The following ATP1A1 variants were observed in gnomAD, a reference collection of about 807,000 sequenced individuals.
ATP1A1 encodes the protein ATPase Na+/K+ transporting subunit alpha 1, also known as sodium/potassium-transporting ATPase subunit alpha-1.
ATP1A1 carries 14 observed loss-of-function variants against 114.8 expected under a neutral mutation model. The observed-to-expected ratio is 0.12, with a 90% CI of 0.08 to 0.19. The LOEUF (loss-of-function observed/expected upper bound fraction) is 0.19. Among genes scored for constraint, ATP1A1 ranks in the 10% least tolerant of loss-of-function variants. The pLI is 1.00. For synonymous variants in ATP1A1, 471 were observed against 466.3 expected, an observed-to-expected ratio of 1.01 and a Z score of -0.13; for missense variants, 524 against 1,290.7, an observed-to-expected ratio of 0.41 and a Z score of 9.10.
chr1:116,395,908 C>T lies in ATP1A1; in HGVS notation c.1836+623C>T, dbSNP rs111858850. The stretch of plus-strand genomic sequence containing the variant: ...CTGGAATTACAGGCACCCGCTACCA[C>T]GCCCAGCTAATTTTTGTATTTTTAA... On this transcript the variant is annotated intron_variant, in intron 13 of 22. Transcript: ENST00000295598. This position sits in a 1 kb window ranked among gnomAD's most constrained non-coding sequence, Gnocchi z 6.4. Among the ~76,000 whole-genome samples, 1 of 152,106 alleles carries T rather than the reference C, an allele frequency of 6.6e-6. No individual in the cohort carries two copies. The highest frequency in any genetic ancestry group is 2.4e-5 in the African/African-American group (1 of 41,412).
At position 116,392,930 on chromosome 1, in the gene ATP1A1, T is replaced by A. The variant is rs1347690405; in HGVS notation, c.1409T>A (p.Met470Lys). ...IELCCGSVKE[M>K]RERYAKIVEI... Reference sequence around the variant, plus strand: ...CTGTGCTGTGGTTCCGTGAAGGAGATGAGAGAAAGATACGCCAAAATCGTC... The same window carrying A: ...CTGTGCTGTGGTTCCGTGAAGGAGAAGAGAGAAAGATACGCCAAAATCGTC... The change falls in exon 11 of 23, where the codon ATG becomes AAG. Residue 470 changes from methionine to lysine, a missense_variant. Coordinates refer to ENST00000295598, the MANE Select transcript of ATP1A1 (RefSeq NM_000701.8). 1.2e-6 allele frequency: 2 copies of A among 1,613,988 alleles called. No homozygotes were observed. Among genetic ancestry groups the A allele is most frequent in the South Asian group, 1.1e-5 (1 of 91,078 alleles).
rs1237193916 is a variant in ATP1A1 at position 116,388,341 on chromosome 1, A to G, written c.501+97A>G. ...GAAGTTAAGGTTTTCCAAGTATTAC[A>G]TGACTCATCAGAGAGATGGATGTCT... On this transcript the variant is annotated intron_variant, in intron 5 of 22. Coordinates refer to ENST00000295598, the MANE Select transcript of ATP1A1 (RefSeq NM_000701.8). The surrounding 1 kb of genome is among the most constrained non-coding windows in gnomAD (Gnocchi z 5.6). 23 of 1,116,464 alleles carry G rather than the reference A, an allele frequency of 2.1e-5. No homozygotes were observed. Among genetic ancestry groups the G allele is most frequent in the Non-Finnish European group, 2.4e-5 (18 of 757,006 alleles). The allele number at this position is 1,116,464 out of a possible 1,614,324, so 69.2% of individuals were successfully genotyped here. A position where few individuals can be genotyped will look rare whatever the true frequency, so the allele number is the denominator to read the frequency against.
chr1:116,395,112 T>C lies in ATP1A1; in HGVS notation c.1663T>C (p.Phe555Leu). ...AAAGGCTCCTGTCCTCCTCGCAGGT[T>C]TCTGCCACCTCTTTCTGCCAGATGA... ...LGGLGERVLG[F>L]CHLFLPDEQF... The change falls in exon 13 of 23, where the codon TTC (phenylalanine) becomes CTC (leucine). Residue 555 changes from phenylalanine (F) to leucine (L), a missense_variant and splice_region_variant. Physicochemically the swap from Phe to Leu is conservative, Grantham distance 22. This residue lies in a region of ATP1A1 where 143 missense variants were observed against 259.3 expected (regional missense o/e 0.55). Coordinates refer to ENST00000295598, the MANE Select transcript of ATP1A1 (RefSeq NM_000701.8). The surrounding 1 kb of genome is among the most constrained non-coding windows in gnomAD (Gnocchi z 6.4). 6.2e-7 allele frequency: 1 copy of C among 1,613,760 alleles called. No homozygotes were observed. Among genetic ancestry groups the C allele is most frequent in the Non-Finnish European group, 8.5e-7 (1 of 1,179,818 alleles).
At chr1:116,386,248 A>C (rs1484621967) in intron 3 of ATP1A1, 1 of 151,982 alleles carries the variant, frequency 6.6e-6, no homozygotes, top group African/African-American at 2.4e-5. Flanking sequence ...ACAACATGCC[A>C]ACAGTGACTC....
Position 116,393,647 on chromosome 1 carries a change from G to C in ATP1A1, c.1584G>C (p.Gln528His), listed in dbSNP as rs1307308245. 6.2e-7 allele frequency: 1 copy of C among 1,614,080 alleles called. No homozygotes were observed. Among genetic ancestry groups the C allele is most frequent in the Non-Finnish European group, 8.5e-7 (1 of 1,180,048 alleles). ...CTATCCTCCTCCACGGCAAGGAGCA[G>C]CCCCTGGATGAGGAGCTGAAAGACG... is the stretch of plus-strand genomic sequence containing the variant. ...CSSILLHGKE[Q>H]PLDEELKDAF... The change falls in exon 12 of 23, where the codon CAG becomes CAC. Residue 528 changes from glutamine to histidine, a missense_variant. Around this residue, in one of 8 missense-constraint regions of ATP1A1, gnomAD observed 143 missense variants for 259.3 expected, o/e 0.55. Coordinates refer to ENST00000295598, the MANE Select transcript of ATP1A1 (RefSeq NM_000701.8). This position sits in a 1 kb window ranked among gnomAD's most constrained non-coding sequence, Gnocchi z 5.0.
At position 116,401,721 on chromosome 1, in the gene ATP1A1, T is replaced by C; in HGVS notation, c.2951+66T>C. The C allele has an allele frequency of 6.7e-7, 1 of 1,483,760 alleles. No individual in the cohort carries two copies. Among genetic ancestry groups the C allele is most frequent in the Non-Finnish European group, 9.4e-7 (1 of 1,068,908 alleles). 91.9% of individuals were successfully genotyped at this position (1,483,760 alleles called of 1,614,324 possible). A position where few individuals can be genotyped will look rare whatever the true frequency, so the allele number is the denominator to read the frequency against. On this transcript the variant is annotated intron_variant, in intron 21 of 22. Coordinates refer to ENST00000295598, the MANE Select transcript of ATP1A1 (RefSeq NM_000701.8). The surrounding 1 kb of genome is among the most constrained non-coding windows in gnomAD (Gnocchi z 4.7). ...TATGTGTGGCTTTTCCCCCCATTAC[T>C]TGTGGTAATAGTTGTTATTTTCAGA...
chr1:116,382,881 A>G (rs1363244100), intron 1 of ATP1A1, among the ~76,000 whole-genome samples: 2 of 152,344 alleles, frequency 1.3e-5, no homozygotes, highest in South Asian at 2.1e-4. Context: ...TAATAGCACC[A>G]TATGTCATGC....
rs746546167 is a variant in ATP1A1 at position 116,373,532 on chromosome 1, C to A, written c.12+9C>A. On this transcript the variant is annotated intron_variant, in intron 1 of 22. Transcript: ENST00000295598. ...CCACCATGGGGAAGGGGGTGAGTGT[C>A]CGGCGCGCCCGGGGAGGGGGCTCGG... 2 of 1,450,494 alleles carry A rather than the reference C, an allele frequency of 1.4e-6. No individual in the cohort carries two copies. The highest frequency in any genetic ancestry group is 2.8e-5 in the Admixed American group (1 of 35,620). 89.9% of individuals were successfully genotyped at this position (1,450,494 alleles called of 1,614,324 possible).
In ATP1A1 at chr1:116,396,609, C is replaced by T. The variant is rs771011403; in HGVS notation, c.1848C>T (p.Val616=). The change falls in exon 14 of 23, where the codon GTC becomes GTT. Residue 616 remains valine, a synonymous_variant. Transcript: ENST00000295598. ...CRSAGIKVIM[V]TGDHPITAKA... ...CTTGTTTATTACAGGTCATCATGGT[C>T]ACAGGAGACCATCCAATCACAGCTA... 1 of 1,613,706 alleles carries T rather than the reference C, an allele frequency of 6.2e-7. No homozygotes were observed. Among genetic ancestry groups the T allele is most frequent in the South Asian group, 1.1e-5 (1 of 91,032 alleles).
Position 116,381,154 on chromosome 1 carries a change from C to G in ATP1A1, c.13-2860C>G, listed in dbSNP as rs1262971398. 6.6e-6 allele frequency among the ~76,000 whole-genome samples: 1 copy of G among 152,130 alleles called. No individual in the cohort carries two copies. Among genetic ancestry groups the G allele is most frequent in the Non-Finnish European group, 1.5e-5 (1 of 68,028 alleles). On this transcript the variant is annotated intron_variant, in intron 1 of 22. Coordinates refer to ENST00000295598, the MANE Select transcript of ATP1A1 (RefSeq NM_000701.8). The surrounding 1 kb of genome is among the most constrained non-coding windows in gnomAD (Gnocchi z 5.1). ...AAAGTAGGAAGTGTGTGCCCAATGC[C>G]CAGATGAGTGGGAAGATTACTGTAG...
Position 116,397,762 on chromosome 1 carries a change from C to G in ATP1A1, c.1974-126C>G, listed in dbSNP as rs969854106. ...CTGAACACTTAATAGCTTTTATGTG[C>G]TGGGGAAAATTCCTTCTTTGTTTTG... On this transcript the variant is annotated intron_variant, in intron 14 of 22. Coordinates refer to ENST00000295598, the MANE Select transcript of ATP1A1 (RefSeq NM_000701.8). This position sits in a 1 kb window ranked among gnomAD's most constrained non-coding sequence, Gnocchi z 4.2. 23 of 1,208,066 alleles carry G rather than the reference C, an allele frequency of 1.9e-5. No homozygotes were observed. The highest frequency in any genetic ancestry group is 2.6e-5 in the Non-Finnish European group (23 of 870,356). 74.8% of individuals were successfully genotyped at this position (1,208,066 alleles called of 1,614,324 possible).
intron 1 of ATP1A1, 72 bp downstream of exon 1, chr1:116,373,595 G>C: frequency 7.5e-7 from 1 of 1,326,470 alleles, no homozygotes; most frequent in Middle Eastern, 2.1e-4. Context: ...TCGGGAGGGC[G>C]ACCGCGGCCA....
chr1:116,390,657 G>T, intron 9 of ATP1A1, 125 bp from the exon 10 acceptor site: 4 of 919,782 alleles, frequency 4.3e-6, no homozygotes. Context: ...AATGTGATTG[G>T]TTTCATTAAT....
rs181319968 is a variant in ATP1A1, at chr1:116,377,225, G to T, written c.12+3702G>T. Among the ~76,000 whole-genome samples, 18 of 152,328 alleles carry T rather than the reference G, an allele frequency of 1.2e-4. No homozygotes were observed. The East Asian group carries it at 2.7e-3, about 23-fold the overall frequency. Reference sequence around the variant, plus strand: ...GGCTTTTGGATAGAATGCTCATCCTGGGGATCAAGTGAAGTAATCTATGTT... The same window carrying T: ...GGCTTTTGGATAGAATGCTCATCCTTGGGATCAAGTGAAGTAATCTATGTT... On this transcript the variant is annotated intron_variant, in intron 1 of 22. Coordinates refer to ENST00000295598, the MANE Select transcript of ATP1A1 (RefSeq NM_000701.8).
Position 116,390,878 on chromosome 1 carries a change from T to TACCTATTCTTAAGGTATGCTCA in ATP1A1, c.1321_1332+10dup. On this transcript the variant is annotated frameshift_variant, in exon 10 of 23. Coordinates refer to ENST00000295598, the MANE Select transcript of ATP1A1 (RefSeq NM_000701.8). LOFTEE classifies it high-confidence loss of function. ...GTGTTTCAGGCTAACCAGGAAAACC[T>TACCTATTCTTAAGGTATGCTCA]ACCTATTCTTAAGGTATGCTCAAGA... 1 of 1,613,670 alleles carries TACCTATTCTTAAGGTATGCTCA rather than the reference T, an allele frequency of 6.2e-7. No individual in the cohort carries two copies. The highest frequency in any genetic ancestry group is 8.5e-7 in the Non-Finnish European group (1 of 1,179,530).
At chr1:116,391,592 T>C (rs1290582436) in intron 10 of ATP1A1, among the ~76,000 whole-genome samples, 2 of 152,212 alleles carry the variant, frequency 1.3e-5, no homozygotes, top group Non-Finnish European at 2.9e-5. Flanking sequence ...GTAGTAGTTG[T>C]GGGTATAAAC....
intron 9 of ATP1A1, 92 bp downstream of exon 9, chr1:116,390,503 T>A (rs1652370451): frequency 1.5e-6 from 2 of 1,335,582 alleles, no homozygotes; most frequent in Non-Finnish European, 2.1e-6. Context: ...CTTTTTTTTT[T>A]TTAAGCTCAT....
Position 116,389,068 on chromosome 1 carries a change from C to A in ATP1A1, c.754+49C>A. On this transcript the variant is annotated intron_variant, in intron 7 of 22. Transcript: ENST00000295598. The surrounding 1 kb of genome is among the most constrained non-coding windows in gnomAD (Gnocchi z 6.9). ...AGCATGGCGTGGTATTTCTCTTGGG[C>A]ATTAACAAAATCAAAACCATAGGCA... The A allele has an allele frequency of 6.6e-7, 1 of 1,507,726 alleles. No individual in the cohort carries two copies. The highest frequency in any genetic ancestry group is 9.2e-7 in the Non-Finnish European group (1 of 1,088,338). The allele number at this position is 1,507,726 out of a possible 1,614,324, so 93.4% of individuals were successfully genotyped here.
chr1:116,384,021 G>C lies in ATP1A1; in HGVS notation c.20G>C (p.Arg7Pro), dbSNP rs146195513. The C allele has an allele frequency of 6.2e-7, 1 of 1,613,744 alleles. No individual in the cohort carries two copies. Among genetic ancestry groups the C allele is most frequent in the Non-Finnish European group, 8.5e-7 (1 of 1,179,878 alleles). MGKGVG[R>P]DKYEPAAVSE... is the part of the protein sequence containing the mutation. ...TCCCACATTCTCCTACAGGTTGGAC[G>C]TGATAAGTATGAGCCTGCAGCTGTT... The change falls in exon 2 of 23, where the codon CGT becomes CCT. Residue 7 changes from arginine (R) to proline (P), a missense_variant. Arg to Pro is a moderately radical substitution (Grantham distance 103). Around this residue, in one of 8 missense-constraint regions of ATP1A1, gnomAD observed 33 missense variants for 31.2 expected, o/e 1.06. Coordinates refer to ENST00000295598, the MANE Select transcript of ATP1A1 (RefSeq NM_000701.8). This position sits in a 1 kb window ranked among gnomAD's most constrained non-coding sequence, Gnocchi z 5.1.
Sources: gnomAD v4.1 joint callset for allele counts (sites outside exome capture counted in the v4.1 genomes callset) on GRCh38, gnomAD v4.1.1 for gene constraint, gnomAD v4.1.1 regional missense constraint, Gnocchi (gnomAD v3.1) non-coding constraint, MANE v1.5 for transcripts, NCBI Gene and HGNC (gene_info 2026-07-23, HGNC 2026-07-21) for gene names.